The following GRIN3A variants were observed in gnomAD, a reference collection of about 807,000 sequenced individuals.
The protein encoded by GRIN3A is glutamate receptor ionotropic, NMDA 3A.
GRIN3A carries 47 observed loss-of-function variants against 92.4 expected under a neutral mutation model. That is an observed-to-expected ratio of 0.51 (90% CI 0.40 to 0.65). The LOEUF (loss-of-function observed/expected upper bound fraction) is 0.65, where lower values mean the gene tolerates loss of function less well. GRIN3A is among the 30% of genes least tolerant of loss of function. The probability of loss-of-function intolerance (pLI) is 0.00; values close to 1 mark genes in which losing one functional copy is unlikely to be tolerated. For synonymous variants in GRIN3A, 527 were observed against 540.6 expected (o/e 0.97, Z 0.35); for missense variants, 1,324 against 1,393.1 (o/e 0.95, Z 0.79).
intron 1 of GRIN3A, among the ~76,000 whole-genome samples, chr9:101,732,581 CT>C (rs1181449901): frequency 6.6e-6 from 1 of 151,636 alleles, no homozygotes; most frequent in Non-Finnish European, 1.5e-5. Context: ...TCTAAGCCCA[CT>C]TTTTTTTAAG....
chr9:101,726,762 G>GT (rs1228521285), intron 1 of GRIN3A, among the ~76,000 whole-genome samples: 1 of 150,268 alleles, frequency 6.7e-6, no homozygotes, highest in East Asian at 1.9e-4. Context: ...TTTTTAAAAA[G>GT]TTTTTTATTT....
chr9:101,670,473 G>A lies in GRIN3A; in HGVS notation c.1939C>T (p.Pro647Ser). 1 of 1,613,964 alleles carries A rather than the reference G, an allele frequency of 6.2e-7. No individual in the cohort carries two copies. Among genetic ancestry groups the A allele is most frequent in the Non-Finnish European group, 8.5e-7 (1 of 1,179,950 alleles). ...ARSQVIDFTS[P>S]FFSTSLGILV... ...ATGCCCAAGCTGGTGGAGAAGAAAG[G>A]GCTGGTGAAATCTATCACCTGGCTC... Residue 647 changes from proline (P) to serine (S), a missense_variant, in exon 3 of 9, where the codon CCT becomes TCT. Transcript: ENST00000361820.
intron 3 of GRIN3A, among the ~76,000 whole-genome samples, chr9:101,646,627 A>G (rs1185356568): frequency 6.6e-6 from 1 of 151,868 alleles, no homozygotes; most frequent in Non-Finnish European, 1.5e-5. Context: ...CATTTTAACA[A>G]TATTAATTAT....
At chr9:101,709,572 A>G (rs1829854065) in intron 1 of GRIN3A, among the ~76,000 whole-genome samples, 2 of 152,232 alleles carry the variant, frequency 1.3e-5, no homozygotes, top group Admixed American at 1.3e-4. Context: ...AGAGAACTGG[A>G]CTTAAAATCA....
At chr9:101,725,791 A>G (rs1159932922) in intron 1 of GRIN3A, among the ~76,000 whole-genome samples, 2 of 152,132 alleles carry the variant, frequency 1.3e-5, no homozygotes, top group African/African-American at 4.8e-5. Flanking sequence ...GGGTCTTTTT[A>G]TTTTATGTTG....
At chr9:101,678,585 T>C (rs777435464) in intron 2 of GRIN3A, among the ~76,000 whole-genome samples, 1 of 152,176 alleles carries the variant, frequency 6.6e-6, no homozygotes, top group Non-Finnish European at 1.5e-5. Flanking sequence ...TTTGGGTCTA[T>C]GTTTTGTCAA....
intron 3 of GRIN3A, among the ~76,000 whole-genome samples, chr9:101,639,361 T>C: frequency 6.6e-6 from 1 of 150,638 alleles, no homozygotes; most frequent in East Asian, 1.9e-4. Context: ...AAAAGGAGGA[T>C]GCCTTTAAGC....
intron 6 of GRIN3A, 39 bp from the exon 7 acceptor site, chr9:101,579,399 GATAT>G: frequency 6.3e-7 from 1 of 1,598,976 alleles, no homozygotes; most frequent in South Asian, 1.1e-5. Context: ...TGAATACAAT[GATAT>G]ACCTGGCCCA....
intron 1 of GRIN3A, among the ~76,000 whole-genome samples, chr9:101,721,602 A>G (rs932615697): frequency 4.6e-5 from 7 of 152,246 alleles, no homozygotes; most frequent in Middle Eastern, 3.4e-3. Context: ...CTTCGACAAA[A>G]ATTTTTATAG....
chr9:101,650,789 A>G (rs763825485), intron 3 of GRIN3A, among the ~76,000 whole-genome samples: 9 of 151,932 alleles, frequency 5.9e-5, no homozygotes, highest in Admixed American at 1.3e-4. Context: ...GCATTTGCAC[A>G]TGCTGTTACC....
chr9:101,664,520 C>T (rs1053615451), intron 3 of GRIN3A, among the ~76,000 whole-genome samples: 6 of 151,776 alleles, frequency 4.0e-5, no homozygotes, highest in Non-Finnish European at 7.4e-5. Context: ...TAGAATCATC[C>T]TCTTGAACCT....
chr9:101,576,559 T>C (rs1209891455), intron 8 of GRIN3A, among the ~76,000 whole-genome samples: 1 of 152,234 alleles, frequency 6.6e-6, no homozygotes, highest in Non-Finnish European at 1.5e-5. Context: ...GTTTCTATTA[T>C]AGCTGGAAAA....
At position 101,570,552 on chromosome 9, in the gene GRIN3A, A is replaced by G. The variant is rs1449419623; in HGVS notation, c.*2622T>C. 6.5e-6 allele frequency: 1 copy of G among 152,704 alleles called. No homozygotes were observed. The highest frequency in any genetic ancestry group is 1.5e-5 in the Non-Finnish European group (1 of 68,058). 9.5% of individuals were successfully genotyped at this position (152,704 alleles called of 1,614,324 possible). On this transcript the variant is annotated 3_prime_UTR_variant, in exon 9 of 9. Transcript: ENST00000361820. ...ATTATGGTTTTTCTTTATTCAGAAC[A>G]TAGAGGCATTTCAAGCAATGTTGAT...
At chr9:101,626,740 C>T (rs1228273888) in intron 4 of GRIN3A, among the ~76,000 whole-genome samples, 1 of 152,208 alleles carries the variant, frequency 6.6e-6, no homozygotes, top group Non-Finnish European at 1.5e-5. Context: ...ATTCTGCAAA[C>T]ATCAAGGACC....
intron 8 of GRIN3A, among the ~76,000 whole-genome samples, chr9:101,577,347 G>A (rs1428310843): frequency 1.3e-5 from 2 of 152,274 alleles, no homozygotes; most frequent in East Asian, 3.9e-4. Context: ...CATAATAATA[G>A]CTAATATTTA....
Position 101,570,484 on chromosome 9 carries a change from C to G in GRIN3A, c.*2690G>C, listed in dbSNP as rs574450294. 1.2e-4 allele frequency: 19 copies of G among 152,724 alleles called. No individual in the cohort carries two copies. The highest frequency in any genetic ancestry group is 4.1e-4 in the African/African-American group (17 of 41,566). The allele number at this position is 152,724 out of a possible 1,614,324, so 9.5% of individuals were successfully genotyped here. On this transcript the variant is annotated 3_prime_UTR_variant, in exon 9 of 9. Transcript: ENST00000361820. ...TTCAGTTACTACCAATAAAAATAAC[C>G]ATTGCTACTTAACATGAAGACTGCT...
intron 6 of GRIN3A, 25 bp from the exon 7 acceptor site, chr9:101,579,385 G>T: frequency 1.9e-6 from 3 of 1,612,558 alleles, no homozygotes; most frequent in African/African-American, 2.7e-5. Flanking sequence ...GAAAGAAAAG[G>T]CCATGAATAC....
chr9:101,730,999 T>TTACA (rs1830131382), intron 1 of GRIN3A, among the ~76,000 whole-genome samples: 1 of 152,142 alleles, frequency 6.6e-6, no homozygotes, highest in South Asian at 2.1e-4. Context: ...AGGTCACACT[T>TTACA]TACATACATT....
chr9:101,637,029 G>C (rs1185450932), intron 3 of GRIN3A, among the ~76,000 whole-genome samples: 1 of 152,144 alleles, frequency 6.6e-6, no homozygotes, highest in Non-Finnish European at 1.5e-5. Context: ...CTTAGTGGTG[G>C]CTGTAGGAGG....
Sources: gnomAD v4.1 joint callset for allele counts (sites outside exome capture counted in the v4.1 genomes callset) on GRCh38, gnomAD v4.1.1 for gene constraint, MANE v1.5 for transcripts, NCBI Gene and HGNC (gene_info 2026-07-23, HGNC 2026-07-21) for gene names.